The following ZFAND6 variants were observed in gnomAD, a reference collection of about 807,000 sequenced individuals.
ZFAND6 encodes zinc finger AN1-type containing 6.
ZFAND6 carries 12 observed loss-of-function variants against 24.5 expected under a neutral mutation model. The ratio of observed to expected loss-of-function variants is 0.49; its 90% CI spans 0.31 to 0.79. ZFAND6 has a LOEUF of 0.79. Ranked by LOEUF, ZFAND6 falls within the 30% of genes least tolerant of loss-of-function variation. ZFAND6 has a pLI of 0.04. For synonymous variants in ZFAND6, 92 were observed against 81.5 expected, an observed-to-expected ratio of 1.13 and a Z score of -0.69; for missense variants, 207 against 245.9, an observed-to-expected ratio of 0.84 and a Z score of 1.06.
chr15:80,074,250 A>C (rs749901955), intron 1 of ZFAND6, among the ~76,000 whole-genome samples: 8 of 151,868 alleles, frequency 5.3e-5, no homozygotes, highest in Non-Finnish European at 1.0e-4. Flanking sequence ...AATTGGAAAC[A>C]CTTTTACCCA....
chr15:80,072,785 A>G (rs1412850447), intron 1 of ZFAND6: 1 of 152,060 alleles, frequency 6.6e-6, no homozygotes, highest in Non-Finnish European at 1.5e-5. Context: ...GGGAAGCAGA[A>G]CAAAAGGGCT....
Position 80,065,001 on chromosome 15 carries a change from C to CTT in ZFAND6, c.-181+5192_-181+5193insTT, listed in dbSNP as rs1567046368. Among the ~76,000 whole-genome samples the CTT allele has an allele frequency of 4.5e-4, 60 of 133,550 alleles. 1 individual carries two copies. In the East Asian group the frequency reaches 8.4e-3, roughly 19 times the overall value. The allele number at this position is 133,550 out of a possible 152,430, so 87.6% of individuals were successfully genotyped here. A position where few individuals can be genotyped will look rare whatever the true frequency, so the allele number is the denominator to read the frequency against. On this transcript the variant is annotated intron_variant, in intron 1 of 6. Transcript: ENST00000261749. ...TTTTCTCTTGCTCTCTCTCTCTCCC[C>CTT]CTTTTTTTTTTTTTTTTTTTTAACA...
chr15:80,059,838 T>TTGCCCGGCGC (rs1342646852), intron 1 of ZFAND6, 29 bp downstream of exon 1: 3 of 151,254 alleles, frequency 2.0e-5, no homozygotes, highest in African/African-American at 4.8e-5. Flanking sequence ...GGGGCCCGGC[T>TTGCCCGGCGC]TGCCCGGCGC....
intron 1 of ZFAND6, among the ~76,000 whole-genome samples, chr15:80,062,904 CTCTT>C (rs1382350051): frequency 1.3e-5 from 2 of 152,252 alleles, no homozygotes; most frequent in South Asian, 2.1e-4. Context: ...CTCAGCCTGG[CTCTT>C]TCTTAAGAAC....
chr15:80,097,890 A>G (rs2038824280), intron 1 of ZFAND6, among the ~76,000 whole-genome samples: 1 of 151,988 alleles, frequency 6.6e-6, no homozygotes, highest in Non-Finnish European at 1.5e-5. Flanking sequence ...GGCTTCTAAC[A>G]CTTGATTAAC....
At chr15:80,072,583 G>A (rs2037040637) in intron 1 of ZFAND6, 1 of 152,014 alleles carries the variant, frequency 6.6e-6, no homozygotes, top group African/African-American at 2.4e-5. Context: ...TGGTTGCTTT[G>A]GAGTACAGCT....
intron 3 of ZFAND6, chr15:80,120,840 G>C (rs1363456334): frequency 1.3e-5 from 2 of 155,054 alleles, no homozygotes; most frequent in African/African-American, 4.8e-5. Flanking sequence ...TACAGCTCAA[G>C]TAGTTGTTGA....
intron 2 of ZFAND6, among the ~76,000 whole-genome samples, chr15:80,118,316 G>A (rs566292665): frequency 5.0e-5 from 5 of 100,994 alleles, no homozygotes; most frequent in African/African-American, 1.8e-4. Flanking sequence ...GTAGAGATGG[G>A]GTTTCACCAT....
chr15:80,074,268 G>A (rs942433600), intron 1 of ZFAND6, among the ~76,000 whole-genome samples: 1 of 151,896 alleles, frequency 6.6e-6, no homozygotes, highest in Admixed American at 6.6e-5. Flanking sequence ...CCACTTAACT[G>A]AGCAATTGTA....
At chr15:80,116,969 A>G (rs1012704665) in intron 2 of ZFAND6, among the ~76,000 whole-genome samples, 2 of 152,144 alleles carry the variant, frequency 1.3e-5, no homozygotes, top group South Asian at 2.1e-4. Context: ...ATTTCTTACT[A>G]TTTCTTGCTA....
chr15:80,104,018 T>C (rs983460031), intron 2 of ZFAND6, among the ~76,000 whole-genome samples: 1 of 152,106 alleles, frequency 6.6e-6, no homozygotes, highest in Admixed American at 6.5e-5. Context: ...CCAGATAATT[T>C]TCTTATTCTT....
chr15:80,104,536 AATCCATCC>A (rs200615757), intron 2 of ZFAND6, among the ~76,000 whole-genome samples: 2 of 146,642 alleles, frequency 1.4e-5, no homozygotes, highest in Non-Finnish European at 3.1e-5. Context: ...TCAGTCAGTC[AATCCATCC>A]ATCCATCCAT....
upstream of ZFAND6, chr15:80,059,575 A>C (rs960064590): frequency 3.3e-5 from 5 of 151,726 alleles, no homozygotes; most frequent in African/African-American, 1.2e-4. Flanking sequence ...GGTAATAATT[A>C]GCGGGCGGGC....
At chr15:80,115,885 C>A (rs1287397658) in intron 2 of ZFAND6, among the ~76,000 whole-genome samples, 1 of 151,980 alleles carries the variant, frequency 6.6e-6, no homozygotes, top group Non-Finnish European at 1.5e-5. Context: ...TCATCTATGA[C>A]TTTTTACTTG....
At chr15:80,064,787 T>TTCCCCACCA (rs1401376370) in intron 1 of ZFAND6, among the ~76,000 whole-genome samples, 4 of 152,072 alleles carry the variant, frequency 2.6e-5, no homozygotes, top group African/African-American at 9.7e-5. Context: ...ATTACAGGCG[T>TTCCCCACCA]TCCCCACCAT....
In ZFAND6 at chr15:80,087,040, A is replaced by G. The variant is rs182363411; in HGVS notation, c.-180-11376A>G. On this transcript the variant is annotated intron_variant, in intron 1 of 6. Transcript: ENST00000261749. ...ATAATACTCTCTATATATACATACC[A>G]CATTTTGTTTATCCATTCATCCATG... Among the ~76,000 whole-genome samples the G allele has an allele frequency of 1.6e-3, 239 of 152,328 alleles. 1 individual carries two copies. Among genetic ancestry groups the G allele is most frequent in the African/African-American group, 5.5e-3 (230 of 41,566 alleles).
chr15:80,098,299 A>G (rs1164513060), intron 1 of ZFAND6, 117 bp from the exon 2 acceptor site: 2 of 152,150 alleles, frequency 1.3e-5, no homozygotes, highest in Non-Finnish European at 2.9e-5. Context: ...CTTTTTCTTC[A>G]GCCACCCTTT....
intron 2 of ZFAND6, among the ~76,000 whole-genome samples, chr15:80,109,827 CA>C (rs1323166541): frequency 6.6e-6 from 1 of 152,148 alleles, no homozygotes; most frequent in Non-Finnish European, 1.5e-5. Flanking sequence ...GAAACTAACC[CA>C]AAATTCACTG....
At chr15:80,090,018 C>T (rs1460878422) in intron 1 of ZFAND6, among the ~76,000 whole-genome samples, 3 of 152,194 alleles carry the variant, frequency 2.0e-5, no homozygotes, top group Non-Finnish European at 2.9e-5. Context: ...CGAAGCTAAT[C>T]ACTGTATAAC....
Sources: gnomAD v4.1 joint callset for allele counts (sites outside exome capture counted in the v4.1 genomes callset) on GRCh38, gnomAD v4.1.1 for gene constraint, MANE v1.5 for transcripts, NCBI Gene and HGNC (gene_info 2026-07-23, HGNC 2026-07-21) for gene names.